MYL6B: variants seen among roughly 807,000 people sequenced by gnomAD.
MYL6B encodes the protein myosin light chain 6B.
In MYL6B, 19 loss-of-function variants were observed where a neutral mutation model predicts 24.5. The observed-to-expected ratio is 0.78, with a 90% confidence interval of 0.54 to 1.14. The LOEUF (loss-of-function observed/expected upper bound fraction) is 1.14. MYL6B is among the 50% of genes most tolerant of loss of function. MYL6B has a pLI of 0.00. For missense variants in MYL6B, 230 were observed against 263.8 expected (o/e 0.87, Z 0.89); for synonymous variants, 90 against 100.7 (o/e 0.89, Z 0.64).
At chr12:56,157,212 T>C (rs779339408) in intron 5 of MYL6B, 3 of 435,920 alleles carry the variant, frequency 6.9e-6, no homozygotes, top group Non-Finnish European at 1.3e-5. Context: ...CTGCCCAACA[T>C]GGCGAAACCT....
exon 7 of MYL6B, chr12:56,157,883 T>G (rs1871405224): frequency 8.6e-6 from 7 of 813,488 alleles, no homozygotes; most frequent in Non-Finnish European, 1.3e-5. Flanking sequence ...TTTCCACAGA[T>G]CCAGTGGGGT....
intron 5 of MYL6B, chr12:56,156,307 C>CA (rs35978029): frequency 0.028 from 2,040 of 73,074 alleles, 18 homozygotes; most frequent in East Asian, 0.032. Context: ...GGTTCTGTCT[C>CA]AAAAAAAAAA....
At chr12:56,153,275 G>A (rs1471279796) in intron 1 of MYL6B, 1 of 270,832 alleles carries the variant, frequency 3.7e-6, no homozygotes, top group Non-Finnish European at 5.7e-6. Flanking sequence ...TCATACTCCT[G>A]TTTTTATGAC....
At position 56,153,979 on chromosome 12, in the gene MYL6B, G is replaced by A. The variant is rs775566050; in HGVS notation, c.61G>A (p.Ala21Thr). Residue 21 changes from alanine to threonine, a missense_variant, in exon 2 of 7, where the codon GCT (alanine) becomes ACT (threonine). By Grantham distance (58) the Ala-to-Thr change is moderately conservative. Transcript: ENST00000553066. ...AGCAGGGCCCTCCATCTCCAAACCT[G>A]CTGCTAAGCCAGCAGCAGCAGGGGC... 15 of 1,614,036 alleles carry A rather than the reference G, an allele frequency of 9.3e-6. No individual in the cohort carries two copies. The Middle Eastern group carries it at 6.6e-4, about 71-fold the overall frequency.
chr12:56,155,542 G>A (rs1565881311), exon 5 of MYL6B: 1 of 1,613,866 alleles, frequency 6.2e-7, no homozygotes, highest in East Asian at 2.2e-5. Context: ...GACAAGGAGG[G>A]GAACGGCAAA....
At chr12:56,157,884 C>G (rs1211134101) in exon 7 of MYL6B, 2 of 812,840 alleles carry the variant, frequency 2.5e-6, no homozygotes, top group Middle Eastern at 2.7e-4. Context: ...TTCCACAGAT[C>G]CAGTGGGGTC....
chr12:56,153,545 C>A, intron 1 of MYL6B: 1 of 906,388 alleles, frequency 1.1e-6, no homozygotes, highest in Non-Finnish European at 1.3e-6. Flanking sequence ...ACTAAAGCTG[C>A]TGGATCACCT....
chr12:56,155,519 G>A (rs1704159834), exon 5 of MYL6B: 1 of 1,614,022 alleles, frequency 6.2e-7, no homozygotes, highest in Non-Finnish European at 8.5e-7. Flanking sequence ...ACTTGGAGGG[G>A]TTTCGTGTGT....
At chr12:56,156,023 T>C in intron 5 of MYL6B, 5 of 1,119,390 alleles carry the variant, frequency 4.5e-6, no homozygotes, top group Admixed American at 4.8e-5. Flanking sequence ...GAGCGTGGCC[T>C]GGCCAGGTAT....
intron 1 of MYL6B, 33 bp from the exon 2 acceptor site, chr12:56,153,840 T>G: frequency 2.9e-6 from 4 of 1,373,176 alleles, no homozygotes; most frequent in South Asian, 1.4e-5. Flanking sequence ...CCCCCGCCCC[T>G]TGACATCCCA....
rs1592256560 is a variant in MYL6B, at chr12:56,155,412, C to A, written c.347-7C>A. On this transcript the variant is annotated splice_polypyrimidine_tract_variant and splice_region_variant and intron_variant, in intron 4 of 6. Transcript: ENST00000553066. ...TGACCTCTCCTTTACCTCTCTCCAACCTCCAGAGCTGAAGTCGCGGCGTGT... is the reference window on the plus strand; with the variant it reads ...TGACCTCTCCTTTACCTCTCTCCAAACTCCAGAGCTGAAGTCGCGGCGTGT... 1.2e-6 allele frequency: 2 copies of A among 1,614,070 alleles called. No individual in the cohort carries two copies. Among genetic ancestry groups the A allele is most frequent in the Admixed American group, 3.3e-5 (2 of 59,992 alleles).
chr12:56,157,515 G>C, exon 6 of MYL6B: 1 of 1,613,958 alleles, frequency 6.2e-7, no homozygotes, highest in Non-Finnish European at 8.5e-7. Flanking sequence ...GGCAGGACAC[G>C]AGGACAGCAA....
exon 7 of MYL6B, chr12:56,157,793 C>T (rs1458817358): frequency 2.6e-5 from 41 of 1,573,438 alleles, no homozygotes; most frequent in Admixed American, 5.1e-5. Context: ...GCCCTTCTCT[C>T]AGCCAACATA....
At chr12:56,155,582 C>T (rs1269687353) in exon 5 of MYL6B, 3 of 1,612,584 alleles carry the variant, frequency 1.9e-6, no homozygotes, top group East Asian at 2.2e-5. Flanking sequence ...GACATGTTCT[C>T]ACCACCCTTG....
intron 1 of MYL6B, chr12:56,153,633 G>A (rs1871193309): frequency 5.7e-6 from 2 of 348,822 alleles, no homozygotes; most frequent in Non-Finnish European, 9.0e-6. Context: ...ACCTCATTCT[G>A]GGCAGTCTCT....
At chr12:56,156,776 C>T (rs904790216) in intron 5 of MYL6B, among the ~76,000 whole-genome samples, 55 of 150,990 alleles carry the variant, frequency 3.6e-4, no homozygotes, top group African/African-American at 1.3e-3. Context: ...CAAGGCTGGG[C>T]GTGGTGGCTC....
At position 56,153,906 on chromosome 12, in the gene MYL6B, G is replaced by T. The variant is rs780892440; in HGVS notation, c.-13G>T. ...GCCCCCATCCGCACACTGTCCTTTG[G>T]CCACCGGACATCATGCCTCCCAAGA... On this transcript the variant is annotated 5_prime_UTR_variant, in exon 2 of 7. Transcript: ENST00000553066. The T allele has an allele frequency of 6.4e-5, 103 of 1,605,496 alleles. No homozygotes were observed. The South Asian group carries it at 1.0e-3, about 16-fold the overall frequency.
intron 5 of MYL6B, 162 bp from the exon 6 acceptor site, chr12:56,157,306 C>A: frequency 1.6e-6 from 1 of 628,672 alleles, no homozygotes. Context: ...ATCGCGTGAA[C>A]ACGGGAGGCG....
intron 2 of MYL6B, 80 bp downstream of exon 2, chr12:56,154,172 T>TTC (rs1871220282): frequency 2.9e-6 from 4 of 1,397,004 alleles, no homozygotes; most frequent in Non-Finnish European, 2.9e-6. Flanking sequence ...AGGGGGTATC[T>TTC]AGAAGGTAGG....
Sources: allele counts gnomAD v4.1 joint callset (sites outside exome capture counted in the v4.1 genomes callset), GRCh38; gene constraint gnomAD v4.1.1; transcripts MANE v1.5; gene names NCBI Gene and HGNC (gene_info 2026-07-23, HGNC 2026-07-21).